NAA25: variants seen among roughly 807,000 people sequenced by gnomAD.
The protein encoded by NAA25 is N-terminal acetyltransferase B complex subunit NAA25.
Under a neutral mutation model 132.5 loss-of-function variants are expected in NAA25, and 30 were observed. The ratio of observed to expected loss-of-function variants is 0.23; its 90% CI spans 0.17 to 0.31. The LOEUF (loss-of-function observed/expected upper bound fraction) is 0.31. Ranked by LOEUF, NAA25 falls within the 10% of genes least tolerant of loss-of-function variation. The probability of loss-of-function intolerance (pLI) is 1.00; values close to 1 mark genes in which losing one functional copy is unlikely to be tolerated. For synonymous variants in NAA25, 359 were observed against 401.9 expected (o/e 0.89, Z 1.28); for missense variants, 771 against 1,150.4 (o/e 0.67, Z 4.77).
chr12:112,105,578 CCCA>C (rs1455206099), intron 1 of NAA25, among the ~76,000 whole-genome samples: 5 of 152,210 alleles, frequency 3.3e-5, no homozygotes, highest in African/African-American at 7.2e-5. Flanking sequence ...AAAATTTCAA[CCCA>C]CCACAATTTA....
At chr12:112,046,975 A>T (rs2078391102) in intron 17 of NAA25, among the ~76,000 whole-genome samples, 1 of 152,296 alleles carries the variant, frequency 6.6e-6, no homozygotes, top group South Asian at 2.1e-4. Flanking sequence ...CTATTTAAAA[A>T]TATTTTCTAT....
chr12:112,087,853 G>T (rs2079076988), intron 3 of NAA25, 52 bp from the exon 4 acceptor site: 1 of 1,181,882 alleles, frequency 8.5e-7, no homozygotes, highest in Non-Finnish European at 1.3e-6. Context: ...CATTCTAATG[G>T]CATTTAATGT....
intron 11 of NAA25, among the ~76,000 whole-genome samples, chr12:112,067,208 A>G (rs2078731226): frequency 6.6e-6 from 1 of 152,140 alleles, no homozygotes; most frequent in African/African-American, 2.4e-5. Flanking sequence ...CCGTCTCAAA[A>G]AAAAAGAAAC....
intron 11 of NAA25, among the ~76,000 whole-genome samples, chr12:112,068,018 G>A (rs532714217): frequency 2.0e-5 from 3 of 152,116 alleles, no homozygotes; most frequent in Admixed American, 6.5e-5. Context: ...GATTACAGGC[G>A]TAAGCCACCA....
At chr12:112,070,478 AC>A (rs202023181) in intron 10 of NAA25, among the ~76,000 whole-genome samples, 2 of 152,162 alleles carry the variant, frequency 1.3e-5, no homozygotes, top group East Asian at 3.9e-4. Flanking sequence ...TTTTCAAGAA[AC>A]CTTTCATCCA....
intron 1 of NAA25, among the ~76,000 whole-genome samples, chr12:112,095,133 C>G (rs2079192565): frequency 1.3e-5 from 2 of 152,080 alleles, no homozygotes; most frequent in Middle Eastern, 3.4e-3. Context: ...AAGACACCAT[C>G]TCTAGAAAAA....
In NAA25 at chr12:112,048,150, A is replaced by G. The variant is rs1566003556; in HGVS notation, c.1880+142T>C. ...TCTACCATTCCCCATGACATGTGCC[A>G]AGTTCTGTTTCCCCACTGTCTCTCT... On this transcript the variant is annotated intron_variant, in intron 16 of 23. Transcript: ENST00000261745. 11 of 765,720 alleles carry G rather than the reference A, an allele frequency of 1.4e-5. No homozygotes were observed. In the East Asian group the frequency reaches 2.7e-4, roughly 19 times the overall value. 47.4% of individuals were successfully genotyped at this position (765,720 alleles called of 1,614,324 possible).
chr12:112,072,947 A>T (rs1329347196), intron 9 of NAA25, among the ~76,000 whole-genome samples: 1 of 150,646 alleles, frequency 6.6e-6, no homozygotes, highest in African/African-American at 2.4e-5. Flanking sequence ...TCAAAAAGAA[A>T]AAAAGGCCAG....
rs1334504040 is a variant in NAA25 at position 112,053,493 on chromosome 12, A to T, written c.1728+65T>A. 2.6e-6 allele frequency: 3 copies of T among 1,153,614 alleles called. No homozygotes were observed. In the African/African-American group the frequency reaches 4.6e-5, roughly 18 times the overall value. 71.5% of individuals were successfully genotyped at this position (1,153,614 alleles called of 1,614,324 possible). On this transcript the variant is annotated intron_variant, in intron 15 of 23. Coordinates refer to ENST00000261745, the MANE Select transcript of NAA25 (RefSeq NM_024953.4). ...ACATGTGTACTTGTGACATGTGGTG[A>T]CGTGCTCCTCAATAGTGTGCAGTCA...
At chr12:112,032,875 G>A (rs1324924613) in intron 23 of NAA25, among the ~76,000 whole-genome samples, 3 of 152,142 alleles carry the variant, frequency 2.0e-5, no homozygotes, top group Non-Finnish European at 4.4e-5. Context: ...GGTGATAACT[G>A]GGTGGCAAGG....
chr12:112,102,470 T>G lies in NAA25; in HGVS notation c.58+6246A>C, dbSNP rs2079307846. Among the ~76,000 whole-genome samples, 4 of 152,328 alleles carry G rather than the reference T, an allele frequency of 2.6e-5. No individual in the cohort carries two copies. The South Asian group carries it at 8.3e-4, about 32-fold the overall frequency. On this transcript the variant is annotated intron_variant, in intron 1 of 23. Transcript: ENST00000261745. ...TCTATGTATTCATCTAAGAATATTTTTGTGCACTAAAACCTTCATTTTCAG... is the reference window on the plus strand; with the variant it reads ...TCTATGTATTCATCTAAGAATATTTGTGTGCACTAAAACCTTCATTTTCAG...
At chr12:112,029,757 G>A (rs780472073) in intron 23 of NAA25, 104 bp from the exon 24 acceptor site, 3 of 1,485,566 alleles carry the variant, frequency 2.0e-6, no homozygotes, top group Non-Finnish European at 1.8e-6. Flanking sequence ...TGGTCTCATT[G>A]CAAGCTCCAT....
Position 112,033,247 on chromosome 12 carries a change from T to A in NAA25, c.2782A>T (p.Thr928Ser). The change falls in exon 23 of 24, where the codon ACT becomes TCT. Residue 928 changes from threonine (T) to serine (S), a missense_variant. Thr to Ser is a moderately conservative substitution (Grantham distance 58). Around this residue, in one of 3 missense-constraint regions of NAA25, gnomAD observed 324 missense variants for 400.0 expected, o/e 0.81. Transcript: ENST00000261745. ...LKLEELILED[T>S]SLSPEERKFS... ...CAATCTCTTACCGGTGAGAGAGAAG[T>A]GTCTTCTAAAATAAGTTCTTCAAGT... 1 of 1,608,084 alleles carries A rather than the reference T, an allele frequency of 6.2e-7. No homozygotes were observed. The highest frequency in any genetic ancestry group is 1.1e-5 in the South Asian group (1 of 89,850).
At chr12:112,070,751 TTTTG>T (rs1271820443) in intron 10 of NAA25, among the ~76,000 whole-genome samples, 2 of 151,840 alleles carry the variant, frequency 1.3e-5, no homozygotes, top group East Asian at 3.9e-4. Flanking sequence ...AATTTTTTGT[TTTTG>T]TTTGTTTTTG....
chr12:112,088,348 A>C (rs1485285450), intron 3 of NAA25, among the ~76,000 whole-genome samples: 1 of 99,004 alleles, frequency 1.0e-5, no homozygotes, highest in Non-Finnish European at 1.8e-5. Flanking sequence ...TTTTTTGGAG[A>C]TAGGTTCTCA....
intron 4 of NAA25, among the ~76,000 whole-genome samples, chr12:112,085,349 G>A (rs1192497335): frequency 6.6e-6 from 1 of 151,474 alleles, no homozygotes; most frequent in Non-Finnish European, 1.5e-5. Context: ...CTGAGATCAC[G>A]CCACAGCACT....
At position 112,086,793 on chromosome 12, in the gene NAA25, C is replaced by T. The variant is rs552500044; in HGVS notation, c.402+890G>A. Among the ~76,000 whole-genome samples, 381 of 152,088 alleles carry T rather than the reference C, an allele frequency of 2.5e-3. 4 individuals carry two copies. The highest frequency in any genetic ancestry group is 8.7e-3 in the African/African-American group (360 of 41,514). On this transcript the variant is annotated intron_variant, in intron 4 of 23. Transcript: ENST00000261745. Reference sequence around the variant, plus strand: ...TTGAGAGGCCGAGGCGGGCAGATCACCTGAGGTCGGGAGTTTGAGACCAGC... The same window carrying T: ...TTGAGAGGCCGAGGCGGGCAGATCATCTGAGGTCGGGAGTTTGAGACCAGC...
intron 4 of NAA25, among the ~76,000 whole-genome samples, chr12:112,085,237 A>C (rs1051424766): frequency 2.6e-5 from 4 of 151,778 alleles, no homozygotes; most frequent in African/African-American, 7.2e-5. Flanking sequence ...CACACACACA[A>C]AAAAATTAGC....
intron 5 of NAA25, among the ~76,000 whole-genome samples, chr12:112,079,068 T>C (rs771466351): frequency 6.6e-6 from 1 of 152,194 alleles, no homozygotes; most frequent in Non-Finnish European, 1.5e-5. Context: ...TTATCAGGTA[T>C]TTGAAGAGGA....
Sources: gnomAD v4.1 joint callset for allele counts (sites outside exome capture counted in the v4.1 genomes callset) on GRCh38, gnomAD v4.1.1 for gene constraint, gnomAD v4.1.1 regional missense constraint, MANE v1.5 for transcripts, NCBI Gene and HGNC (gene_info 2026-07-23, HGNC 2026-07-21) for gene names.